AOAH: variants seen among roughly 807,000 people sequenced by gnomAD.
The protein encoded by AOAH is acyloxyacyl hydrolase, also known as acyloxyacyl hydrolase (neutrophil).
Under a neutral mutation model 92.2 loss-of-function variants are expected in AOAH, and 64 were observed. The ratio of observed to expected loss-of-function variants is 0.69; its 90% confidence interval spans 0.57 to 0.86. The LOEUF (loss-of-function observed/expected upper bound fraction) is 0.86, where lower values mean the gene tolerates loss of function less well. AOAH is among the 40% of genes least tolerant of loss of function. The probability of loss-of-function intolerance (pLI) is 0.00; values close to 1 mark genes in which losing one functional copy is unlikely to be tolerated. For missense variants in AOAH, 656 were observed against 694.6 expected, an observed-to-expected ratio of 0.94 and a Z score of 0.62; for synonymous variants, 263 against 254.5, an observed-to-expected ratio of 1.03 and a Z score of -0.32.
chr7:36,703,729 G>C (rs994146739), intron 1 of AOAH, among the ~76,000 whole-genome samples: 1 of 152,114 alleles, frequency 6.6e-6, no homozygotes, highest in South Asian at 2.1e-4. Flanking sequence ...CGAAGTCATT[G>C]GTTCCAAGTC....
intron 12 of AOAH, among the ~76,000 whole-genome samples, chr7:36,585,636 G>A (rs1282960856): frequency 2.0e-5 from 3 of 152,254 alleles, no homozygotes; most frequent in Admixed American, 6.5e-5. Context: ...ATGCAGTATT[G>A]GACAAGAAGG....
chr7:36,610,446 G>T (rs1483900154), intron 11 of AOAH, among the ~76,000 whole-genome samples: 1 of 150,348 alleles, frequency 6.7e-6, no homozygotes, highest in Non-Finnish European at 1.5e-5. Flanking sequence ...AATTTAAGAT[G>T]GTGGGGTTAT....
chr7:36,609,591 T>C (rs1006044623), intron 11 of AOAH, among the ~76,000 whole-genome samples: 1 of 152,056 alleles, frequency 6.6e-6, no homozygotes, highest in Non-Finnish European at 1.5e-5. Flanking sequence ...GGGCACGCCT[T>C]CCTAGGTTGA....
intron 8 of AOAH, among the ~76,000 whole-genome samples, chr7:36,621,225 C>G (rs1792255056): frequency 6.6e-6 from 1 of 152,178 alleles, no homozygotes. Flanking sequence ...AAGGCGAGGG[C>G]TAGCATATCT....
At chr7:36,563,729 T>A (rs919868387) in intron 13 of AOAH, among the ~76,000 whole-genome samples, 1 of 152,226 alleles carries the variant, frequency 6.6e-6, no homozygotes, top group Non-Finnish European at 1.5e-5. Flanking sequence ...ATTGCAGATT[T>A]TGCTTTTATT....
intron 5 of AOAH, among the ~76,000 whole-genome samples, chr7:36,635,783 T>C (rs1793477749): frequency 6.6e-6 from 1 of 152,192 alleles, no homozygotes; most frequent in African/African-American, 2.4e-5. Flanking sequence ...ACCTACTAGC[T>C]ATGTGGGGTG....
At chr7:36,705,406 C>T (rs1798334430) in intron 1 of AOAH, among the ~76,000 whole-genome samples, 1 of 152,034 alleles carries the variant, frequency 6.6e-6, no homozygotes, top group Non-Finnish European at 1.5e-5. Context: ...GAATAAAATA[C>T]CTAGGAATAC....
Position 36,618,954 on chromosome 7 carries a change from T to A in AOAH, c.703-609A>T, listed in dbSNP as rs940890397. Among the ~76,000 whole-genome samples the A allele has an allele frequency of 2.6e-5, 4 of 152,260 alleles. No homozygotes were observed. In the East Asian group the frequency reaches 5.8e-4, roughly 22 times the overall value. Reference sequence around the variant, plus strand: ...TCAATAGTGCCCAGATTAAGAAACCTGGAAGTAACATTGGGCCTGTGAATG... The same window carrying A: ...TCAATAGTGCCCAGATTAAGAAACCAGGAAGTAACATTGGGCCTGTGAATG... On this transcript the variant is annotated intron_variant, in intron 9 of 20. Transcript: ENST00000617537.
At chr7:36,666,314 C>T (rs6959346) in intron 3 of AOAH, among the ~76,000 whole-genome samples, 91,310 of 151,910 alleles carry the variant, frequency 0.6, 27,716 homozygotes, top group South Asian at 0.66. Context: ...TTCCTCTAGA[C>T]TATCAAATTT....
intron 3 of AOAH, among the ~76,000 whole-genome samples, chr7:36,662,829 A>G (rs1433414263): frequency 6.6e-6 from 1 of 152,194 alleles, no homozygotes; most frequent in Non-Finnish European, 1.5e-5. Flanking sequence ...AGAAGAGGGG[A>G]ACTGGACATG....
In AOAH at chr7:36,588,081, T is replaced by C. The variant is rs149871364; in HGVS notation, c.938+6258A>G. Among the ~76,000 whole-genome samples the C allele has an allele frequency of 2.6e-3, 392 of 152,352 alleles. 2 individuals are homozygous for C. Among genetic ancestry groups the C allele is most frequent in the African/African-American group, 8.6e-3 (357 of 41,586 alleles). On this transcript the variant is annotated intron_variant, in intron 12 of 20. Coordinates refer to ENST00000617537, the MANE Select transcript of AOAH (RefSeq NM_001637.4). ...TTCACATTTCATCAGATTAAATTAT[T>C]TAAAAATCAATTTAATAAAATTAAT... is the stretch of plus-strand genomic sequence containing the variant.
At chr7:36,543,795 A>G (rs544348534) in intron 15 of AOAH, among the ~76,000 whole-genome samples, 6 of 152,268 alleles carry the variant, frequency 3.9e-5, no homozygotes, top group Admixed American at 3.9e-4. Context: ...TTTAATTTGC[A>G]TAGCAAAATC....
At chr7:36,631,974 G>T in intron 6 of AOAH, 62 bp downstream of exon 6, 1 of 1,324,932 alleles carries the variant, frequency 7.5e-7, no homozygotes, top group South Asian at 1.3e-5. Context: ...CATTAGAAAA[G>T]GGGGACAAGC....
At chr7:36,555,919 T>A (rs1034979011) in intron 13 of AOAH, among the ~76,000 whole-genome samples, 3 of 152,196 alleles carry the variant, frequency 2.0e-5, no homozygotes, top group African/African-American at 7.2e-5. Flanking sequence ...ATTTTGTTGA[T>A]CCTTTCAAAA....
At chr7:36,543,947 C>CTT (rs1219471100) in intron 15 of AOAH, among the ~76,000 whole-genome samples, 185 of 91,008 alleles carry the variant, frequency 2.0e-3, no homozygotes, top group Non-Finnish European at 2.9e-3. Flanking sequence ...TTCTTTCTTT[C>CTT]TTTTTTTTTT....
intron 14 of AOAH, among the ~76,000 whole-genome samples, chr7:36,548,985 A>G (rs1785999586): frequency 6.6e-6 from 1 of 152,180 alleles, no homozygotes; most frequent in African/African-American, 2.4e-5. Flanking sequence ...TTTCACAGCA[A>G]TTGCATCAAT....
At chr7:36,648,477 T>G (rs1055127175) in intron 4 of AOAH, among the ~76,000 whole-genome samples, 1 of 152,164 alleles carries the variant, frequency 6.6e-6, no homozygotes, top group Non-Finnish European at 1.5e-5. Context: ...TAATTCATTG[T>G]GTGGCATATT....
At chr7:36,715,938 C>T (rs892355434) in intron 1 of AOAH, among the ~76,000 whole-genome samples, 3 of 152,216 alleles carry the variant, frequency 2.0e-5, no homozygotes, top group South Asian at 2.1e-4. Context: ...GTCTAAAACA[C>T]CAAAAGCAAT....
intron 20 of AOAH, among the ~76,000 whole-genome samples, chr7:36,518,365 G>C (rs6969109): frequency 0.028 from 4,230 of 152,102 alleles, 202 homozygotes; most frequent in African/African-American, 0.097. Flanking sequence ...GCACCACCAC[G>C]CCTGGCTAAT....
Sources: allele counts gnomAD v4.1 joint callset (sites outside exome capture counted in the v4.1 genomes callset), GRCh38; gene constraint gnomAD v4.1.1; transcripts MANE v1.5; gene names NCBI Gene and HGNC (gene_info 2026-07-23, HGNC 2026-07-21).